ADAMTSL1: variants seen among roughly 807,000 people sequenced by gnomAD.
The protein encoded by ADAMTSL1 is ADAMTS like 1.
A neutral mutation model predicts 201.8 loss-of-function variants in ADAMTSL1; 126 were observed. The ratio of observed to expected loss-of-function variants is 0.62; its 90% CI spans 0.54 to 0.72. The LOEUF is 0.72. ADAMTSL1 is among the 30% of genes least tolerant of loss of function. ADAMTSL1 has a pLI of 0.00. For missense variants in ADAMTSL1, 2,679 were observed against 2,277.8 expected, an observed-to-expected ratio of 1.18 and a Z score of -3.59; for synonymous variants, 1,121 against 903.4, an observed-to-expected ratio of 1.24 and a Z score of -4.32.
chr9:18,099,110 T>TG (rs1824378067), intron 1 of ADAMTSL1, among the ~76,000 whole-genome samples: 1 of 151,232 alleles, frequency 6.6e-6, no homozygotes, highest in Non-Finnish European at 1.5e-5. Context: ...AGGTTTTTTT[T>TG]TTTTAAATTG....
intron 20 of ADAMTSL1, among the ~76,000 whole-genome samples, chr9:18,813,767 T>A (rs1353837915): frequency 1.3e-5 from 2 of 152,224 alleles, no homozygotes; most frequent in Non-Finnish European, 2.9e-5. Context: ...ACAAGGACAG[T>A]ATAACTTTTT....
intron 23 of ADAMTSL1, among the ~76,000 whole-genome samples, chr9:18,868,630 A>C (rs1202766819): frequency 4.6e-5 from 7 of 152,200 alleles, no homozygotes; most frequent in African/African-American, 1.7e-4. Flanking sequence ...GAAGTTTGGA[A>C]AATATAAAGC....
intron 1 of ADAMTSL1, among the ~76,000 whole-genome samples, chr9:18,085,636 GTA>G (rs966784401): frequency 6.7e-6 from 1 of 148,652 alleles, no homozygotes; most frequent in Non-Finnish European, 1.5e-5. Flanking sequence ...CACTGTGTGT[GTA>G]TATATATACA....
intron 15 of ADAMTSL1, among the ~76,000 whole-genome samples, chr9:18,748,916 T>C (rs896276961): frequency 2.6e-5 from 4 of 152,212 alleles, no homozygotes; most frequent in Non-Finnish European, 5.9e-5. Flanking sequence ...CTGAAACCTA[T>C]AAGGAGAGTC....
At chr9:18,756,402 G>A (rs1039480155) in intron 16 of ADAMTSL1, among the ~76,000 whole-genome samples, 2 of 150,568 alleles carry the variant, frequency 1.3e-5, no homozygotes, top group East Asian at 2.0e-4. Context: ...GCTAAGTTTT[G>A]TTGGGAAAAA....
intron 2 of ADAMTSL1, among the ~76,000 whole-genome samples, chr9:18,524,680 C>A (rs1818920789): frequency 6.6e-6 from 1 of 152,120 alleles, no homozygotes; most frequent in Admixed American, 6.5e-5. Context: ...AAGGCCTTTT[C>A]TGCATCTATT....
At chr9:18,703,701 C>CATACATATATATATATATATAT (rs1295764808) in intron 13 of ADAMTSL1, among the ~76,000 whole-genome samples, 26 of 78,810 alleles carry the variant, frequency 3.3e-4, no homozygotes, top group African/African-American at 1.2e-3. Flanking sequence ...TGCGCACATA[C>CATACATATATATATATATATAT]ATATATATAT....
intron 2 of ADAMTSL1, among the ~76,000 whole-genome samples, chr9:18,514,911 T>C (rs939648623): frequency 2.6e-5 from 4 of 152,200 alleles, no homozygotes; most frequent in Non-Finnish European, 5.9e-5. Flanking sequence ...CTGAGGACTT[T>C]TCACATATGG....
intron 19 of ADAMTSL1, among the ~76,000 whole-genome samples, chr9:18,788,786 T>C (rs1821856251): frequency 6.6e-6 from 1 of 152,188 alleles, no homozygotes; most frequent in African/African-American, 2.4e-5. Context: ...CAAACTTTGC[T>C]TACTTGCTCC....
At chr9:18,027,059 C>G (rs1289864200) in intron 1 of ADAMTSL1, among the ~76,000 whole-genome samples, 1 of 149,208 alleles carries the variant, frequency 6.7e-6, no homozygotes, top group Non-Finnish European at 1.5e-5. Context: ...GTGATATCAC[C>G]TTTGCCATTT....
intron 2 of ADAMTSL1, among the ~76,000 whole-genome samples, chr9:18,254,344 G>GGTTTTTTTT (rs1831585001): frequency 3.6e-5 from 2 of 55,086 alleles, no homozygotes; most frequent in African/African-American, 6.1e-5. Flanking sequence ...TACTCTTTTT[G>GGTTTTTTTT]GTTTTTTTTT....
At chr9:18,537,648 G>C (rs1819853206) in intron 3 of ADAMTSL1, among the ~76,000 whole-genome samples, 1 of 152,230 alleles carries the variant, frequency 6.6e-6, no homozygotes. Flanking sequence ...GGGTGAGGCA[G>C]AAGGGTCACT....
rs1216953895 is a variant in ADAMTSL1 at position 18,906,677 on chromosome 9, A to G, written c.4962-15A>G. 6.4e-7 allele frequency: 1 copy of G among 1,555,208 alleles called. No individual in the cohort carries two copies. The highest frequency in any genetic ancestry group is 2.0e-5 in the Admixed American group (1 of 51,010). On this transcript the variant is annotated splice_polypyrimidine_tract_variant and intron_variant, in intron 27 of 28. Transcript: ENST00000380548. ...CACAGAAGCAAACCTTAACCCTGCC[A>G]CCATCCTCCTGCAGGCCTGTGAGCA...
intron 2 of ADAMTSL1, among the ~76,000 whole-genome samples, chr9:18,351,962 C>T (rs1450885861): frequency 2.6e-5 from 4 of 152,118 alleles, no homozygotes; most frequent in African/African-American, 9.7e-5. Context: ...TGTTTAATTA[C>T]AGTCAATCAC....
At chr9:18,712,449 A>C (rs1244481685) in intron 14 of ADAMTSL1, among the ~76,000 whole-genome samples, 3 of 151,878 alleles carry the variant, frequency 2.0e-5, no homozygotes, top group African/African-American at 7.3e-5. Flanking sequence ...CTACGTGAAG[A>C]ATGCAGAAGC....
chr9:18,710,125 C>G (rs1475232151), intron 14 of ADAMTSL1, among the ~76,000 whole-genome samples: 3 of 152,144 alleles, frequency 2.0e-5, no homozygotes, highest in Non-Finnish European at 2.9e-5. Context: ...TTTCCCTCCT[C>G]CAGCTTCCCA....
At chr9:18,151,812 T>C (rs1214335447) in intron 1 of ADAMTSL1, among the ~76,000 whole-genome samples, 1 of 152,058 alleles carries the variant, frequency 6.6e-6, no homozygotes, top group Non-Finnish European at 1.5e-5. Flanking sequence ...TGTGCTTTTT[T>C]TGTTTAAAAA....
At position 18,504,837 on chromosome 9, in the gene ADAMTSL1, G is replaced by C. The variant is rs751177615; in HGVS notation, c.72G>C (p.Arg24Ser). ...TCTTTTGTTTCTCACAGAGTTCCAG[G>C]ACCGCACGCTCCGAGGAGGACCGGG... is the stretch of plus-strand genomic sequence containing the variant. ...LFLAFLLLSS[R>S]TARSEEDRDG... The change falls in exon 2 of 29, where the codon AGG becomes AGC. Residue 24 changes from arginine (R) to serine (S), a missense_variant. Arg to Ser is a moderately radical substitution (Grantham distance 110, BLOSUM62 -1). Transcript: ENST00000380548. The C allele has an allele frequency of 1.4e-5, 23 of 1,614,166 alleles. No individual in the cohort carries two copies. Among genetic ancestry groups the C allele is most frequent in the Middle Eastern group, 3.3e-4 (2 of 6,062 alleles).
chr9:18,408,593 G>C (rs567041743), intron 2 of ADAMTSL1, among the ~76,000 whole-genome samples: 1 of 152,280 alleles, frequency 6.6e-6, no homozygotes, highest in Admixed American at 6.5e-5. Context: ...TCTAGAGCTT[G>C]CAGTCTAATG....
Sources: allele counts gnomAD v4.1 joint callset (sites outside exome capture counted in the v4.1 genomes callset), GRCh38; gene constraint gnomAD v4.1.1; transcripts MANE v1.5; gene names NCBI Gene and HGNC (gene_info 2026-07-23, HGNC 2026-07-21).